The following CNTLN variants were observed in gnomAD, a reference collection of about 807,000 sequenced individuals.
CNTLN encodes the protein centlein.
CNTLN carries 212 observed loss-of-function variants against 180.0 expected under a neutral mutation model. The ratio of observed to expected loss-of-function variants is 1.18; its 90% CI spans 1.05 to 1.32. CNTLN has a LOEUF of 1.32. CNTLN is among the 40% of genes most tolerant of loss of function. The probability of loss-of-function intolerance (pLI) is 0.00; values close to 1 mark genes in which losing one functional copy is unlikely to be tolerated. For synonymous variants in CNTLN, 722 were observed against 563.1 expected (o/e 1.28, Z -3.99); for missense variants, 2,095 against 1,610.9 (o/e 1.30, Z -5.14).
intron 12 of CNTLN, among the ~76,000 whole-genome samples, chr9:17,362,728 T>G (rs1171227421): frequency 6.6e-6 from 1 of 152,146 alleles, no homozygotes; most frequent in African/African-American, 2.4e-5. Flanking sequence ...GCACGTTTTA[T>G]TTTCTTATGC....
chr9:17,528,156 C>G, the CNTLN span, among the ~76,000 whole-genome samples: 2 of 152,142 alleles, frequency 1.3e-5, no homozygotes, highest in Non-Finnish European at 2.9e-5. Context: ...ACCCCCTACT[C>G]CTTATGTGTG....
intron 5 of CNTLN, among the ~76,000 whole-genome samples, chr9:17,252,687 T>C (rs1587345772): frequency 6.6e-6 from 1 of 151,760 alleles, no homozygotes; most frequent in Admixed American, 6.6e-5. Flanking sequence ...AAAAGGTTTC[T>C]TGCTACTTTG....
At chr9:17,310,877 A>G (rs1317014798) in intron 8 of CNTLN, among the ~76,000 whole-genome samples, 1 of 151,892 alleles carries the variant, frequency 6.6e-6, no homozygotes, top group East Asian at 1.9e-4. Context: ...TCAATCTTCT[A>G]TTGGATTTTT....
intron 2 of CNTLN, among the ~76,000 whole-genome samples, chr9:17,193,894 T>A (rs113370993): frequency 0.042 from 6,396 of 152,328 alleles, 135 homozygotes; most frequent in South Asian, 0.071. Context: ...TTCTGAAATC[T>A]AGGCGGAAGT....
At chr9:17,194,047 C>A in intron 2 of CNTLN, among the ~76,000 whole-genome samples, 1 of 152,210 alleles carries the variant, frequency 6.6e-6, no homozygotes, top group East Asian at 1.9e-4. Flanking sequence ...GCAGCTGGGA[C>A]ACAGGGCACC....
intron 25 of CNTLN, among the ~76,000 whole-genome samples, chr9:17,492,139 T>G (rs2134364188): frequency 6.6e-6 from 1 of 152,240 alleles, no homozygotes; most frequent in Non-Finnish European, 1.5e-5. Context: ...CTTGCTGTTT[T>G]TTTTCAATTT....
intron 5 of CNTLN, among the ~76,000 whole-genome samples, chr9:17,268,171 C>G (rs181354591): frequency 2.0e-5 from 3 of 152,172 alleles, no homozygotes; most frequent in Admixed American, 2.0e-4. Context: ...GTGGTTTTAT[C>G]TACTTTTGGT....
chr9:17,342,704 A>C (rs1159903588), intron 12 of CNTLN, among the ~76,000 whole-genome samples: 1 of 152,098 alleles, frequency 6.6e-6, no homozygotes, highest in Non-Finnish European at 1.5e-5. Flanking sequence ...CATCTGTTGG[A>C]GGTGTCGCTC....
chr9:17,431,867 A>C (rs923983741), intron 18 of CNTLN, among the ~76,000 whole-genome samples: 4 of 152,208 alleles, frequency 2.6e-5, no homozygotes, highest in African/African-American at 9.6e-5. Flanking sequence ...CCTTATCTTT[A>C]AAAAGATAAA....
intron 2 of CNTLN, among the ~76,000 whole-genome samples, chr9:17,178,733 T>G (rs1159428725): frequency 7.3e-5 from 11 of 151,412 alleles, no homozygotes; most frequent in African/African-American, 1.5e-4. Context: ...CCACAAGGGT[T>G]GCGGGCAGCC....
chr9:17,271,811 CA>C (rs1330102222), intron 5 of CNTLN, among the ~76,000 whole-genome samples: 2 of 152,158 alleles, frequency 1.3e-5, no homozygotes, highest in Admixed American at 6.5e-5. Context: ...ATCAAGCCAC[CA>C]TCAGCTTTGG....
chr9:17,344,576 G>C (rs1821730689), intron 12 of CNTLN, among the ~76,000 whole-genome samples: 2 of 152,054 alleles, frequency 1.3e-5, no homozygotes, highest in Admixed American at 6.6e-5. Flanking sequence ...TCTACTCTCA[G>C]GGAACTTACA....
intron 8 of CNTLN, among the ~76,000 whole-genome samples, chr9:17,316,727 A>G (rs758053940): frequency 1.3e-5 from 2 of 151,946 alleles, no homozygotes. Flanking sequence ...CTTTTCCTCT[A>G]TTACTGCCTT....
At chr9:17,265,963 A>G (rs1487114918) in intron 5 of CNTLN, among the ~76,000 whole-genome samples, 4 of 151,668 alleles carry the variant, frequency 2.6e-5, no homozygotes, top group Admixed American at 6.6e-5. Flanking sequence ...CGGTCTATCA[A>G]TTTTGTTGAT....
intron 2 of CNTLN, among the ~76,000 whole-genome samples, chr9:17,157,236 A>G (rs1028219896): frequency 1.3e-5 from 2 of 152,240 alleles, no homozygotes; most frequent in Non-Finnish European, 2.9e-5. Context: ...ACCATGTTTC[A>G]AAACCATAGC....
At chr9:17,377,709 C>T (rs1342511403) in intron 13 of CNTLN, among the ~76,000 whole-genome samples, 2 of 151,998 alleles carry the variant, frequency 1.3e-5, no homozygotes, top group Non-Finnish European at 2.9e-5. Context: ...CTTTTTTCCT[C>T]AGAACTTTCT....
chr9:17,486,554 C>G (rs2134328083), intron 24 of CNTLN, among the ~76,000 whole-genome samples: 1 of 152,146 alleles, frequency 6.6e-6, no homozygotes. Context: ...CGGAGTCATG[C>G]CATGTTCTAT....
chr9:17,213,686 A>T (rs888921615), intron 2 of CNTLN, among the ~76,000 whole-genome samples: 1 of 152,066 alleles, frequency 6.6e-6, no homozygotes, highest in Non-Finnish European at 1.5e-5. Flanking sequence ...ATTGTGTGGG[A>T]GTCTAAGTCT....
chr9:17,231,181 G>GC (rs1824790653), intron 3 of CNTLN, among the ~76,000 whole-genome samples: 1 of 152,068 alleles, frequency 6.6e-6, no homozygotes, highest in South Asian at 2.1e-4. Context: ...GAAACCAGAA[G>GC]CCCCCTCCAT....
Sources: allele counts gnomAD v4.1 joint callset (sites outside exome capture counted in the v4.1 genomes callset), GRCh38; gene constraint gnomAD v4.1.1; transcripts MANE v1.5; gene names NCBI Gene and HGNC (gene_info 2026-07-23, HGNC 2026-07-21).